ZBTB20: variants seen among roughly 807,000 people sequenced by gnomAD.
ZBTB20 encodes the protein zinc finger and BTB domain containing 20, also known as zinc finger and BTB domain-containing protein 20.
In ZBTB20, 9 loss-of-function variants were observed where a neutral mutation model predicts 56.9. That is an observed-to-expected ratio of 0.16 (90% CI 0.10 to 0.28). ZBTB20 has a LOEUF of 0.28. ZBTB20 is among the 10% of genes least tolerant of loss of function. ZBTB20 has a pLI of 1.00. For synonymous variants in ZBTB20, 417 were observed against 420.7 expected (o/e 0.99, Z 0.11); for missense variants, 655 against 1,003.0 (o/e 0.65, Z 4.69).
Position 114,321,199 on chromosome 3 carries a change from T to C in ZBTB20, c.*17806A>G, listed in dbSNP as rs2078881848. Reference sequence around the variant, plus strand: ...ACCAAATGACTTTTCTAGTAACATATAATATATGAGATGAAATATAATTCT... The same window carrying C: ...ACCAAATGACTTTTCTAGTAACATACAATATATGAGATGAAATATAATTCT... On this transcript the variant is annotated 3_prime_UTR_variant, in exon 12 of 12. Transcript: ENST00000675478. 6.6e-6 allele frequency: 1 copy of C among 152,182 alleles called. No homozygotes were observed. Among genetic ancestry groups the C allele is most frequent in the Admixed American group, 6.5e-5 (1 of 15,280 alleles). The allele number at this position is 152,182 out of a possible 1,614,324, so 9.4% of individuals were successfully genotyped here.
chr3:114,935,123 A>AT (rs2076490590), intron 3 of ZBTB20, among the ~76,000 whole-genome samples: 1 of 152,222 alleles, frequency 6.6e-6, no homozygotes, highest in African/African-American at 2.4e-5. Context: ...TAGTCCTAGA[A>AT]TTTGTTCTTA....
chr3:114,575,663 A>T (rs2053937984), intron 6 of ZBTB20, among the ~76,000 whole-genome samples: 1 of 152,200 alleles, frequency 6.6e-6, no homozygotes, highest in Non-Finnish European at 1.5e-5. Context: ...CTATTGTGGA[A>T]GAATGTGGGC....
intron 5 of ZBTB20, among the ~76,000 whole-genome samples, chr3:114,763,648 T>C (rs2068592275): frequency 6.6e-6 from 1 of 152,148 alleles, no homozygotes; most frequent in Non-Finnish European, 1.5e-5. Flanking sequence ...TCTTTATGTT[T>C]TTCATTAAAC....
chr3:114,669,204 T>C (rs2061226590), intron 6 of ZBTB20, among the ~76,000 whole-genome samples: 1 of 151,982 alleles, frequency 6.6e-6, no homozygotes, highest in African/African-American at 2.4e-5. Context: ...AACAGACATC[T>C]ACCCTGCATC....
At chr3:114,676,124 G>T (rs569602274) in intron 6 of ZBTB20, among the ~76,000 whole-genome samples, 1 of 152,272 alleles carries the variant, frequency 6.6e-6, no homozygotes, top group South Asian at 2.1e-4. Flanking sequence ...TATTTTGGTT[G>T]CTAAAGGCCC....
chr3:114,388,108 C>G (rs2085383300), intron 8 of ZBTB20: 1 of 152,174 alleles, frequency 6.6e-6, no homozygotes, highest in Non-Finnish European at 1.5e-5. Flanking sequence ...TTAGCGTTTT[C>G]CAGTAACATA....
intron 6 of ZBTB20, among the ~76,000 whole-genome samples, chr3:114,677,762 T>C (rs2061717628): frequency 6.6e-6 from 1 of 152,202 alleles, no homozygotes; most frequent in Admixed American, 6.5e-5. Flanking sequence ...ACTGTATCAT[T>C]AAAAGCAGCT....
chr3:114,745,535 C>T (rs1352441747), intron 5 of ZBTB20, among the ~76,000 whole-genome samples: 7 of 152,160 alleles, frequency 4.6e-5, no homozygotes, highest in Admixed American at 3.9e-4. Flanking sequence ...ATACAATTAT[C>T]TCCCTTCCTT....
chr3:114,842,991 T>C (rs1207368693), intron 4 of ZBTB20, among the ~76,000 whole-genome samples: 1 of 152,146 alleles, frequency 6.6e-6, no homozygotes, highest in Admixed American at 6.6e-5. Context: ...TGATAGTAAG[T>C]GAGGTCTCAT....
At chr3:114,905,874 T>C (rs1169172611) in intron 3 of ZBTB20, among the ~76,000 whole-genome samples, 1 of 151,838 alleles carries the variant, frequency 6.6e-6, no homozygotes, top group African/African-American at 2.4e-5. Context: ...TGGAAGAAAC[T>C]GTTACACAGA....
At chr3:114,981,510 G>A (rs1267274460) in intron 2 of ZBTB20, among the ~76,000 whole-genome samples, 1 of 151,952 alleles carries the variant, frequency 6.6e-6, no homozygotes, top group African/African-American at 2.4e-5. Context: ...AACAATAGAA[G>A]GCAGAGTCAA....
At chr3:114,452,302 TA>T (rs2091672072) in intron 7 of ZBTB20, among the ~76,000 whole-genome samples, 1 of 152,146 alleles carries the variant, frequency 6.6e-6, no homozygotes, top group African/African-American at 2.4e-5. Flanking sequence ...TTAAAAGCAT[TA>T]AAAAATTCTA....
intron 2 of ZBTB20, among the ~76,000 whole-genome samples, chr3:115,035,043 C>T (rs1225632603): frequency 6.6e-6 from 1 of 151,980 alleles, no homozygotes; most frequent in Non-Finnish European, 1.5e-5. Flanking sequence ...CCTTACCTAA[C>T]ACCATATATA....
intron 4 of ZBTB20, among the ~76,000 whole-genome samples, chr3:114,805,323 G>A (rs1426099191): frequency 6.6e-6 from 1 of 151,790 alleles, no homozygotes; most frequent in Non-Finnish European, 1.5e-5. Context: ...TGTCTCCTCA[G>A]TCTCTTCTGA....
At chr3:114,587,222 C>T (rs2107530122) in intron 6 of ZBTB20, among the ~76,000 whole-genome samples, 2 of 152,176 alleles carry the variant, frequency 1.3e-5, no homozygotes, top group African/African-American at 4.8e-5. Flanking sequence ...GTCTCGAACT[C>T]CTGACTACAG....
intron 7 of ZBTB20, among the ~76,000 whole-genome samples, chr3:114,493,807 T>G (rs892280224): frequency 2.6e-5 from 4 of 152,260 alleles, no homozygotes; most frequent in African/African-American, 9.6e-5. Flanking sequence ...ACAAGTTATA[T>G]TGTGAGACCA....
chr3:114,807,847 T>A (rs1483663921), intron 4 of ZBTB20, among the ~76,000 whole-genome samples: 1 of 152,128 alleles, frequency 6.6e-6, no homozygotes, highest in African/African-American at 2.4e-5. Flanking sequence ...AAATCCTCTG[T>A]GGTCAGCACT....
chr3:115,130,054 T>C (rs879419211), intron 1 of ZBTB20, among the ~76,000 whole-genome samples: 4 of 152,192 alleles, frequency 2.6e-5, no homozygotes, highest in African/African-American at 7.2e-5. Flanking sequence ...ATCCACATCA[T>C]GCTTTTTCAA....
chr3:114,997,830 T>C (rs1020534856), intron 2 of ZBTB20, among the ~76,000 whole-genome samples: 1 of 151,772 alleles, frequency 6.6e-6, no homozygotes, highest in Non-Finnish European at 1.5e-5. Flanking sequence ...GATTTTATCT[T>C]GGGATGTTAA....
Sources: allele counts gnomAD v4.1 joint callset (sites outside exome capture counted in the v4.1 genomes callset), GRCh38; gene constraint gnomAD v4.1.1; transcripts MANE v1.5; gene names NCBI Gene and HGNC (gene_info 2026-07-23, HGNC 2026-07-21).